The following HPSE2 variants were observed in gnomAD, a reference collection of about 807,000 sequenced individuals.
HPSE2 encodes the protein inactive heparanase-2.
A neutral mutation model predicts 60.5 loss-of-function variants in HPSE2; 38 were observed. The observed-to-expected ratio is 0.63, with a 90% CI of 0.48 to 0.82. The LOEUF is 0.82. Ranked by LOEUF, HPSE2 falls within the 40% of genes least tolerant of loss-of-function variation. HPSE2 has a pLI of 0.00. For missense variants in HPSE2, 713 were observed against 740.4 expected (o/e 0.96, Z 0.43); for synonymous variants, 295 against 293.2 (o/e 1.01, Z -0.06).
intron 3 of HPSE2, among the ~76,000 whole-genome samples, chr10:98,745,834 T>C (rs924712133): frequency 2.6e-5 from 4 of 152,146 alleles, no homozygotes; most frequent in African/African-American, 4.8e-5. Context: ...TGTGAAACAC[T>C]AGGGTTCCAC....
intron 7 of HPSE2, among the ~76,000 whole-genome samples, chr10:98,633,527 T>C (rs1258217227): frequency 7.2e-5 from 11 of 152,186 alleles, no homozygotes; most frequent in Non-Finnish European, 4.4e-5. Flanking sequence ...ATTTTCTTAA[T>C]AACATTTTCT....
intron 3 of HPSE2, among the ~76,000 whole-genome samples, chr10:99,039,777 C>T (rs1002546946): frequency 6.6e-6 from 1 of 151,974 alleles, no homozygotes; most frequent in African/African-American, 2.4e-5. Flanking sequence ...TGGAAATAGT[C>T]TCTGGGAGGC....
In HPSE2 at chr10:99,090,862, T is replaced by C. The variant is rs571661767; in HGVS notation, c.610+53376A>G. Among the ~76,000 whole-genome samples the C allele has an allele frequency of 8.5e-4, 129 of 152,246 alleles. 1 individual carries two copies. Among genetic ancestry groups the C allele is most frequent in the African/African-American group, 2.9e-3 (122 of 41,576 alleles). On this transcript the variant is annotated intron_variant, in intron 3 of 11. Transcript: ENST00000370552. ...TCAAGAGCTCTGAGGTTGCGGCCTA[T>C]TAATCTTCATTTTTCTAATAAGTTC...
At chr10:99,118,676 ATAG>A (rs1488244497) in intron 3 of HPSE2, among the ~76,000 whole-genome samples, 1 of 152,074 alleles carries the variant, frequency 6.6e-6, no homozygotes, top group East Asian at 1.9e-4. Flanking sequence ...TCCATTCAAT[ATAG>A]TATTGGAAGT....
intron 3 of HPSE2, among the ~76,000 whole-genome samples, chr10:98,862,907 T>C (rs1001611943): frequency 1.3e-5 from 2 of 152,164 alleles, no homozygotes; most frequent in Admixed American, 6.5e-5. Context: ...ACTGTGGGCA[T>C]GTACCACTGT....
At chr10:98,708,434 C>T (rs192624918) in intron 5 of HPSE2, among the ~76,000 whole-genome samples, 48 of 145,130 alleles carry the variant, frequency 3.3e-4, no homozygotes, top group African/African-American at 5.4e-4. Flanking sequence ...CCAGCCTGGG[C>T]GACAGAGTGA....
At position 98,457,875 on chromosome 10, in the gene HPSE2, G is replaced by C. The variant is rs1940115722; in HGVS notation, c.*1699C>G. 2 of 152,508 alleles carry C rather than the reference G, an allele frequency of 1.3e-5. No individual in the cohort carries two copies. Among genetic ancestry groups the C allele is most frequent in the Non-Finnish European group, 2.9e-5 (2 of 68,416 alleles). The allele number at this position is 152,508 out of a possible 1,614,324, so 9.4% of individuals were successfully genotyped here. A position where few individuals can be genotyped will look rare whatever the true frequency, so the allele number is the denominator to read the frequency against. On this transcript the variant is annotated 3_prime_UTR_variant, in exon 12 of 12. Coordinates refer to ENST00000370552, the MANE Select transcript of HPSE2 (RefSeq NM_021828.5). ...CCATGCTGAGCACAGCCACTGACCTGGTGCAGCCTGGTCCTCGGGCTCTCC... is the reference window on the plus strand; with the variant it reads ...CCATGCTGAGCACAGCCACTGACCTCGTGCAGCCTGGTCCTCGGGCTCTCC...
In HPSE2 at chr10:99,186,403, C is replaced by T. The variant is rs955470989; in HGVS notation, c.449-42004G>A. On this transcript the variant is annotated intron_variant, in intron 2 of 11. Transcript: ENST00000370552. ...ACTAAAAATACAAAAATTAGTCAGG[C>T]GTGGTGTCAGGTGCCTGTAGTCCGA... Among the ~76,000 whole-genome samples the T allele has an allele frequency of 4.0e-5, 6 of 151,420 alleles. No homozygotes were observed. In the South Asian group the frequency reaches 1.3e-3, roughly 32 times the overall value.
intron 3 of HPSE2, among the ~76,000 whole-genome samples, chr10:98,869,056 T>C (rs1239478193): frequency 2.0e-5 from 3 of 152,110 alleles, no homozygotes; most frequent in South Asian, 4.1e-4. Context: ...TATGTGTATG[T>C]GTGCGCACGC....
Position 99,196,103 on chromosome 10 carries a change from G to A in HPSE2, c.448+36245C>T, listed in dbSNP as rs1385129159. Among the ~76,000 whole-genome samples, 4 of 152,054 alleles carry A rather than the reference G, an allele frequency of 2.6e-5. No individual in the cohort carries two copies. In the East Asian group the frequency reaches 7.7e-4, roughly 29 times the overall value. On this transcript the variant is annotated intron_variant, in intron 2 of 11. Coordinates refer to ENST00000370552, the MANE Select transcript of HPSE2 (RefSeq NM_021828.5). ...ACAAAGGTACAAAGAACACACACTG[G>A]GGAAAGGACAGTCTCTTCAATAAAT...
intron 2 of HPSE2, among the ~76,000 whole-genome samples, chr10:99,148,401 C>T (rs549129490): frequency 1.3e-5 from 2 of 152,298 alleles, no homozygotes; most frequent in African/African-American, 4.8e-5. Flanking sequence ...TGTGGTATTA[C>T]ATATTTCCAG....
intron 9 of HPSE2, among the ~76,000 whole-genome samples, chr10:98,568,967 T>C (rs1944422170): frequency 6.6e-6 from 1 of 152,206 alleles, no homozygotes; most frequent in African/African-American, 2.4e-5. Flanking sequence ...GTTGTATAAC[T>C]CTGTGAATAT....
At chr10:98,551,293 A>T (rs536132129) in intron 9 of HPSE2, among the ~76,000 whole-genome samples, 106 of 152,218 alleles carry the variant, frequency 7.0e-4, no homozygotes, top group Admixed American at 8.5e-4. Context: ...GAGATTAGAG[A>T]GGATGCATAC....
chr10:99,152,384 T>C (rs965768773), intron 2 of HPSE2, among the ~76,000 whole-genome samples: 2 of 150,856 alleles, frequency 1.3e-5, no homozygotes, highest in African/African-American at 4.9e-5. Flanking sequence ...TTAAAGGAAG[T>C]GCTTCAGGTT....
intron 3 of HPSE2, among the ~76,000 whole-genome samples, chr10:98,857,899 A>G (rs1341828714): frequency 6.6e-6 from 1 of 152,192 alleles, no homozygotes; most frequent in Non-Finnish European, 1.5e-5. Flanking sequence ...CTCACAAAAT[A>G]TTTTGAGTAG....
chr10:98,804,378 C>A (rs184904095), intron 3 of HPSE2, among the ~76,000 whole-genome samples: 1 of 151,962 alleles, frequency 6.6e-6, no homozygotes, highest in East Asian at 1.9e-4. Flanking sequence ...TGCAAACTCC[C>A]CATCTGACAA....
At chr10:98,475,121 T>TTTTA (rs1487651134) in intron 11 of HPSE2, among the ~76,000 whole-genome samples, 3 of 51,730 alleles carry the variant, frequency 5.8e-5, no homozygotes, top group African/African-American at 2.0e-4. Flanking sequence ...CACAATTCTA[T>TTTTA]TTTTTTTTTT....
intron 2 of HPSE2, among the ~76,000 whole-genome samples, chr10:99,230,518 T>A (rs1036019787): frequency 5.3e-5 from 8 of 152,040 alleles, no homozygotes; most frequent in African/African-American, 1.9e-4. Flanking sequence ...ACCTCTTAGA[T>A]CTTTTCCGTT....
rs566203841 is a variant in HPSE2 at position 98,769,330 on chromosome 10, T to C, written c.611-25274A>G. Among the ~76,000 whole-genome samples, 3 of 152,162 alleles carry C rather than the reference T, an allele frequency of 2.0e-5. No individual in the cohort carries two copies. In the South Asian group the frequency reaches 6.2e-4, roughly 32 times the overall value. On this transcript the variant is annotated intron_variant, in intron 3 of 11. Transcript: ENST00000370552. Reference sequence around the variant, plus strand: ...GTCTGAATATAGCTTGTTGTTTTGGTGGAGTGGAGGTGGGAGTTGGGGGAT... The same window carrying C: ...GTCTGAATATAGCTTGTTGTTTTGGCGGAGTGGAGGTGGGAGTTGGGGGAT...
Sources: gnomAD v4.1 joint callset for allele counts (sites outside exome capture counted in the v4.1 genomes callset) on GRCh38, gnomAD v4.1.1 for gene constraint, MANE v1.5 for transcripts, NCBI Gene and HGNC (gene_info 2026-07-23, HGNC 2026-07-21) for gene names.